The following PDE4B variants were observed in gnomAD, a reference collection of about 807,000 sequenced individuals.
PDE4B encodes phosphodiesterase 4B.
Under a neutral mutation model 82.2 loss-of-function variants are expected in PDE4B, and 20 were observed. That is an observed-to-expected ratio of 0.24 (90% confidence interval 0.17 to 0.35). PDE4B has a LOEUF of 0.35. Ranked by LOEUF, PDE4B falls within the 10% of genes least tolerant of loss-of-function variation. The probability of loss-of-function intolerance (pLI) is 1.00; values close to 1 mark genes in which losing one functional copy is unlikely to be tolerated. For missense variants in PDE4B, 655 were observed against 907.2 expected (o/e 0.72, Z 3.57); for synonymous variants, 320 against 318.9 (o/e 1.00, Z -0.04).
chr1:66,178,856 T>A lies in PDE4B; in HGVS notation c.282-68604T>A, dbSNP rs1366719453. ...AGAAAAAGATCTATCTTAACTTTTT[T>A]TTTCTTTTTTTTGAGACGGAGTTTC... is the stretch of plus-strand genomic sequence containing the variant. On this transcript the variant is annotated intron_variant, in intron 3 of 16. Transcript: ENST00000341517. Among the ~76,000 whole-genome samples, 9 of 152,180 alleles carry A rather than the reference T, an allele frequency of 5.9e-5. No homozygotes were observed. The East Asian group carries it at 1.7e-3, about 29-fold the overall frequency.
chr1:66,096,633 G>A (rs1425269286), intron 3 of PDE4B, among the ~76,000 whole-genome samples: 1 of 147,780 alleles, frequency 6.8e-6, no homozygotes, highest in Non-Finnish European at 1.5e-5. Flanking sequence ...TATCAAGTAA[G>A]TATATTTAAA....
chr1:65,862,505 A>G (rs1646465439), intron 1 of PDE4B, among the ~76,000 whole-genome samples: 1 of 152,022 alleles, frequency 6.6e-6, no homozygotes, highest in African/African-American at 2.4e-5. Flanking sequence ...TTGGCCTGAA[A>G]TTTTCTTTTT....
At chr1:66,366,764 A>C (rs1274789987) in intron 13 of PDE4B, among the ~76,000 whole-genome samples, 1 of 152,204 alleles carries the variant, frequency 6.6e-6, no homozygotes, top group East Asian at 1.9e-4. Context: ...AAAATGGTCT[A>C]TCTACCACAG....
At chr1:65,838,557 ATG>A (rs1646170192) in intron 1 of PDE4B, among the ~76,000 whole-genome samples, 1 of 147,786 alleles carries the variant, frequency 6.8e-6, no homozygotes, top group Non-Finnish European at 1.5e-5. Context: ...ATGTATATAT[ATG>A]TATATGTATA....
rs149937877 is a variant in PDE4B, at chr1:66,182,684, G to A, written c.282-64776G>A. On this transcript the variant is annotated intron_variant, in intron 3 of 16. Transcript: ENST00000341517. ...GAGTTGGTGCATAGCAGCTGTCTCCGCTGCTCCAATTTTTCTGCCCCATTG... is the reference window on the plus strand; with the variant it reads ...GAGTTGGTGCATAGCAGCTGTCTCCACTGCTCCAATTTTTCTGCCCCATTG... 2.9e-3 allele frequency among the ~76,000 whole-genome samples: 442 copies of A among 152,158 alleles called. 1 individual carries two copies. Among genetic ancestry groups the A allele is most frequent in the African/African-American group, 9.4e-3 (391 of 41,518 alleles).
intron 3 of PDE4B, among the ~76,000 whole-genome samples, chr1:66,109,782 G>A (rs909181746): frequency 6.6e-6 from 1 of 151,798 alleles, no homozygotes; most frequent in Non-Finnish European, 1.5e-5. Context: ...GACTTCTAAT[G>A]TACCCATCAC....
intron 8 of PDE4B, among the ~76,000 whole-genome samples, chr1:66,338,819 C>A (rs943022489): frequency 6.6e-6 from 1 of 151,992 alleles, no homozygotes; most frequent in African/African-American, 2.4e-5. Context: ...GATATCGAGA[C>A]CATCCCGGCT....
chr1:65,844,009 C>T (rs1338751413), intron 1 of PDE4B, among the ~76,000 whole-genome samples: 1 of 152,080 alleles, frequency 6.6e-6, no homozygotes, highest in African/African-American at 2.4e-5. Context: ...TCAGGTAGTT[C>T]AGTTTCTTTT....
chr1:65,966,791 A>G (rs558375815), intron 3 of PDE4B, among the ~76,000 whole-genome samples: 63 of 152,326 alleles, frequency 4.1e-4, no homozygotes, highest in African/African-American at 1.5e-3. Context: ...TGGGGAAAAG[A>G]TTCCCTATTT....
At chr1:65,864,919 A>G (rs879398409) in intron 1 of PDE4B, among the ~76,000 whole-genome samples, 1 of 152,214 alleles carries the variant, frequency 6.6e-6, no homozygotes, top group Non-Finnish European at 1.5e-5. Flanking sequence ...CCTCATCAGT[A>G]TCAGCTGCTC....
chr1:65,989,974 A>T (rs765501295), intron 3 of PDE4B, among the ~76,000 whole-genome samples: 4 of 150,780 alleles, frequency 2.7e-5, no homozygotes, highest in Non-Finnish European at 5.9e-5. Flanking sequence ...AGAAATAAGT[A>T]ATTCAGACTT....
intron 1 of PDE4B, among the ~76,000 whole-genome samples, chr1:65,863,792 T>G (rs1374082782): frequency 3.3e-5 from 5 of 152,242 alleles, no homozygotes; most frequent in Admixed American, 6.5e-5. Context: ...CTTTGTCAGT[T>G]AAAGTCTGTT....
chr1:65,809,297 A>G (rs573908723), intron 1 of PDE4B, among the ~76,000 whole-genome samples: 1 of 145,614 alleles, frequency 6.9e-6, no homozygotes, highest in Admixed American at 7.1e-5. Context: ...CACCACTGCA[A>G]TCTAGCCTGG....
At chr1:65,887,610 G>A (rs931315553) in intron 1 of PDE4B, among the ~76,000 whole-genome samples, 3 of 150,578 alleles carry the variant, frequency 2.0e-5, no homozygotes, top group African/African-American at 7.4e-5. Context: ...AAGAGATGGG[G>A]TTTTGCCATG....
chr1:66,069,297 C>A (rs945892758), intron 3 of PDE4B, among the ~76,000 whole-genome samples: 1 of 151,876 alleles, frequency 6.6e-6, no homozygotes, highest in Admixed American at 6.6e-5. Flanking sequence ...TTCTTTTTGT[C>A]TCTTATTTTA....
chr1:66,065,240 T>A (rs1655786639), intron 3 of PDE4B, among the ~76,000 whole-genome samples: 2 of 151,980 alleles, frequency 1.3e-5, no homozygotes, highest in Non-Finnish European at 2.9e-5. Context: ...TATTAATTCA[T>A]CTATTCATTC....
At chr1:66,061,487 A>G (rs1655580177) in intron 3 of PDE4B, among the ~76,000 whole-genome samples, 1 of 151,996 alleles carries the variant, frequency 6.6e-6, no homozygotes, top group South Asian at 2.1e-4. Flanking sequence ...ATGGATACAG[A>G]GAGAGAAGAT....
intron 3 of PDE4B, among the ~76,000 whole-genome samples, chr1:66,222,201 G>A (rs187679588): frequency 5.7e-4 from 87 of 152,230 alleles, no homozygotes; most frequent in African/African-American, 1.8e-3. Context: ...GGCAAATGAG[G>A]GTTTTCTCTC....
chr1:66,039,903 A>G (rs539425918), intron 3 of PDE4B, among the ~76,000 whole-genome samples: 7 of 152,178 alleles, frequency 4.6e-5, no homozygotes, highest in Admixed American at 1.3e-4. Flanking sequence ...GCTATTCATA[A>G]CTGACAATGT....
Sources: allele counts gnomAD v4.1 joint callset (sites outside exome capture counted in the v4.1 genomes callset), GRCh38; gene constraint gnomAD v4.1.1; transcripts MANE v1.5; gene names NCBI Gene and HGNC (gene_info 2026-07-23, HGNC 2026-07-21).